Variants in SEC23A observed in about 807,000 individuals in gnomAD.
SEC23A encodes SEC23 homolog A, COPII component.
A neutral mutation model predicts 103.7 loss-of-function variants in SEC23A; 56 were observed. That is an observed-to-expected ratio of 0.54 (90% CI 0.44 to 0.67). SEC23A has a LOEUF of 0.67. Among genes scored for constraint, SEC23A ranks in the 30% least tolerant of loss-of-function variants. The pLI, the probability that SEC23A is intolerant of heterozygous loss-of-function variation, is 0.00. For missense variants in SEC23A, 784 were observed against 936.4 expected (o/e 0.84, Z 2.12); for synonymous variants, 281 against 293.0 (o/e 0.96, Z 0.42).
At chr14:39,092,725 T>TA in intron 3 of SEC23A, 98 bp from the exon 4 acceptor site, 1 of 712,094 alleles carries the variant, frequency 1.4e-6, no homozygotes, top group East Asian at 2.8e-5. Context: ...TAATTATTTT[T>TA]AAAAAGGCAT....
At position 39,085,838 on chromosome 14, in the gene SEC23A, G is replaced by C. The variant is rs1887424649; in HGVS notation, c.752C>G (p.Pro251Arg). 6.2e-7 allele frequency: 1 copy of C among 1,613,826 alleles called. No individual in the cohort carries two copies. The highest frequency in any genetic ancestry group is 1.7e-5 in the Admixed American group (1 of 59,990). Residue 251 changes from proline (P) to arginine (R), a missense_variant, in exon 7 of 20, where the codon CCT becomes CGT. Pro to Arg is a moderately radical substitution (Grantham distance 103). This residue lies in a region of SEC23A where 683 missense variants were observed against 774.2 expected (regional missense o/e 0.88). Transcript: ENST00000307712. ...TDLLGELQRDPWPVPQGKRPL... is the reference protein window; with the variant it reads ...TDLLGELQRDRWPVPQGKRPL... ...TCTCTTTCCCTGTGGTACAGGCCAA[G>C]GGTCTCGCTGGAGTTCTCCCAGAAG...
At chr14:39,073,057 A>G (rs1248942550) in intron 9 of SEC23A, among the ~76,000 whole-genome samples, 1 of 152,234 alleles carries the variant, frequency 6.6e-6, no homozygotes, top group Non-Finnish European at 1.5e-5. Context: ...TCAAAGGACC[A>G]TTATTCACAG....
chr14:39,080,393 T>C (rs1013930319), intron 7 of SEC23A, among the ~76,000 whole-genome samples: 2 of 152,164 alleles, frequency 1.3e-5, no homozygotes, highest in African/African-American at 4.8e-5. Context: ...GAAGAGTCAA[T>C]TTATATATAA....
intron 4 of SEC23A, among the ~76,000 whole-genome samples, chr14:39,092,213 G>C (rs1177751928): frequency 5.3e-5 from 8 of 152,156 alleles, no homozygotes; most frequent in Non-Finnish European, 5.9e-5. Flanking sequence ...AATTAGACCT[G>C]GGGGATACAT....
chr14:39,094,383 C>T lies in SEC23A; in HGVS notation c.222-1139G>A, dbSNP rs1346161709. On this transcript the variant is annotated intron_variant, in intron 2 of 19. Transcript: ENST00000307712. ...ATATACATATATATATACACACACA[C>T]ACACACACACACACATATATATATA... Among the ~76,000 whole-genome samples, 332 of 52,692 alleles carry T rather than the reference C, an allele frequency of 6.3e-3. 37 individuals carry two copies. The highest frequency in any genetic ancestry group is 0.019 in the African/African-American group (312 of 16,488). The allele number at this position is 52,692 out of a possible 152,430, so 34.6% of individuals were successfully genotyped here. A position where few individuals can be genotyped will look rare whatever the true frequency, so the allele number is the denominator to read the frequency against.
chr14:39,085,454 A>C (rs1887400003), intron 7 of SEC23A, among the ~76,000 whole-genome samples: 1 of 152,158 alleles, frequency 6.6e-6, no homozygotes, highest in Admixed American at 6.6e-5. Flanking sequence ...TGTGACTGGC[A>C]CTTAAGTGGG....
intron 15 of SEC23A, among the ~76,000 whole-genome samples, 155 bp downstream of exon 15, chr14:39,048,497 C>CT (rs1309559982): frequency 6.6e-6 from 1 of 151,980 alleles, no homozygotes; most frequent in Admixed American, 6.6e-5. Flanking sequence ...TCCTGTAGTC[C>CT]TAACTACTCA....
At chr14:39,093,137 GA>G in intron 3 of SEC23A, 49 bp downstream of exon 3, 1 of 1,504,446 alleles carries the variant, frequency 6.6e-7, no homozygotes, top group Non-Finnish European at 9.2e-7. Flanking sequence ...AAAGTGCTGG[GA>G]TTACAGGCAT....
chr14:39,084,317 C>T (rs1375301092), intron 7 of SEC23A, among the ~76,000 whole-genome samples: 13 of 152,074 alleles, frequency 8.5e-5, no homozygotes, highest in African/African-American at 2.9e-4. Flanking sequence ...TGAACCACCG[C>T]ACCCAGCCAC....
intron 17 of SEC23A, chr14:39,041,507 CAAGTA>C (rs1885644738): frequency 9.3e-6 from 1 of 107,900 alleles, no homozygotes; most frequent in South Asian, 3.4e-4. Flanking sequence ...TTATTCTTAA[CAAGTA>C]AAGGGCATTA....
intron 7 of SEC23A, 118 bp from the exon 8 acceptor site, chr14:39,076,211 T>C (rs1367494099): frequency 3.4e-6 from 3 of 869,826 alleles, no homozygotes; most frequent in Non-Finnish European, 5.3e-6. Context: ...AGAAATAAAA[T>C]AATCAAATGT....
intron 9 of SEC23A, among the ~76,000 whole-genome samples, chr14:39,072,742 A>G (rs1188125025): frequency 6.6e-6 from 1 of 152,160 alleles, no homozygotes; most frequent in Non-Finnish European, 1.5e-5. Context: ...TGAGCCCTGG[A>G]CATTGTGGCT....
At chr14:39,081,093 T>C (rs1285670697) in intron 7 of SEC23A, among the ~76,000 whole-genome samples, 1 of 151,826 alleles carries the variant, frequency 6.6e-6, no homozygotes, top group Non-Finnish European at 1.5e-5. Flanking sequence ...TCCCAGCTAC[T>C]TGGGAGGAGT....
chr14:39,047,343 G>A, intron 15 of SEC23A: 3 of 1,255,360 alleles, frequency 2.4e-6, no homozygotes, highest in South Asian at 2.5e-5. Flanking sequence ...CTACAAAAAT[G>A]ACAAAACAAA....
Position 39,039,037 on chromosome 14 carries a change from C to G in SEC23A, c.2202G>C (p.Trp734Cys). ...ACCTGCTATTTAAACTTACCTGCCC[C>G]CAGGCATACATATTATTATGAGTCT... The part of the protein sequence containing the change: ...PSQTHNNMYA[W>C]GQESGAPILT... The change falls in exon 19 of 20, where the codon TGG becomes TGC. Residue 734 changes from tryptophan (W) to cysteine (C), a missense_variant. Transcript: ENST00000307712. 1 of 1,612,568 alleles carries G rather than the reference C, an allele frequency of 6.2e-7. No homozygotes were observed. Among genetic ancestry groups the G allele is most frequent in the Non-Finnish European group, 8.5e-7 (1 of 1,178,754 alleles).
chr14:39,093,098 A>G (rs1293590752), intron 3 of SEC23A, 89 bp downstream of exon 3: 2 of 994,094 alleles, frequency 2.0e-6, no homozygotes, highest in Non-Finnish European at 3.1e-6. Flanking sequence ...CAATCTCCTG[A>G]CCTCGTGATC....
At chr14:39,089,401 C>T (rs1887581167) in intron 5 of SEC23A, among the ~76,000 whole-genome samples, 1 of 152,060 alleles carries the variant, frequency 6.6e-6, no homozygotes, top group Admixed American at 6.6e-5. Context: ...AACTAAAGCA[C>T]AGAGATTTCA....
At chr14:39,074,019 C>A (rs1384326351) in intron 9 of SEC23A, among the ~76,000 whole-genome samples, 1 of 152,140 alleles carries the variant, frequency 6.6e-6, no homozygotes, top group Non-Finnish European at 1.5e-5. Context: ...CTAATGGGAA[C>A]ATAGTTTCTA....
chr14:39,059,300 A>ACAAAAAAAAAC (rs1566491555), intron 13 of SEC23A, among the ~76,000 whole-genome samples: 10 of 100,886 alleles, frequency 9.9e-5, no homozygotes, highest in Non-Finnish European at 1.2e-4. Flanking sequence ...AAAAAAAAAA[A>ACAAAAAAAAAC]AAAAAAAAAA....
Sources: gnomAD v4.1 joint callset for allele counts (sites outside exome capture counted in the v4.1 genomes callset) on GRCh38, gnomAD v4.1.1 for gene constraint, gnomAD v4.1.1 regional missense constraint, MANE v1.5 for transcripts, NCBI Gene and HGNC (gene_info 2026-07-23, HGNC 2026-07-21) for gene names.